Variants in DZIP3 observed in about 807,000 individuals in gnomAD.
The protein encoded by DZIP3 is DAZ interacting zinc finger protein 3.
DZIP3 carries 118 observed loss-of-function variants against 162.0 expected under a neutral mutation model. That is an observed-to-expected ratio of 0.73 (90% CI 0.63 to 0.85). DZIP3 has a LOEUF of 0.85. Among genes scored for constraint, DZIP3 ranks in the 40% least tolerant of loss-of-function variants. DZIP3 has a pLI of 0.00. For missense variants in DZIP3, 1,331 were observed against 1,407.0 expected, an observed-to-expected ratio of 0.95 and a Z score of 0.86; for synonymous variants, 438 against 458.6, an observed-to-expected ratio of 0.96 and a Z score of 0.57.
chr3:108,688,871 C>A lies in DZIP3; in HGVS notation c.3463C>A (p.Leu1155Met). 1 of 1,614,194 alleles carries A rather than the reference C, an allele frequency of 6.2e-7. No homozygotes were observed. Among genetic ancestry groups the A allele is most frequent in the South Asian group, 1.1e-5 (1 of 91,080 alleles). ...GCCTTGTGTGATCTGTCATGAGAAT[C>A]TGTCTCCAGAAAATCTTTCAGTTTT... ...EEPCVICHENLSPENLSVLPC... is the reference protein window; with the variant it reads ...EEPCVICHENMSPENLSVLPC... The change falls in exon 31 of 33, where the codon CTG becomes ATG. Residue 1155 changes from leucine to methionine, a missense_variant. Leu to Met is a conservative substitution (Grantham distance 15). Transcript: ENST00000361582.
At position 108,659,826 on chromosome 3, in the gene DZIP3, C is replaced by A. The variant is rs528806105; in HGVS notation, c.2200-2051C>A. Among the ~76,000 whole-genome samples, 1,288 of 152,260 alleles carry A rather than the reference C, an allele frequency of 8.5e-3. 15 individuals are homozygous for A. Among genetic ancestry groups the A allele is most frequent in the African/African-American group, 0.03 (1,233 of 41,538 alleles). On this transcript the variant is annotated intron_variant, in intron 19 of 32. Transcript: ENST00000361582. The stretch of plus-strand genomic sequence containing the variant: ...AAAATCAATGTGCAAAAATCACAAG[C>A]ATTCTTATACACCAATAACAGACAA...
At chr3:108,689,773 C>G (rs1944624776) in intron 31 of DZIP3, among the ~76,000 whole-genome samples, 1 of 152,194 alleles carries the variant, frequency 6.6e-6, no homozygotes, top group Non-Finnish European at 1.5e-5. Flanking sequence ...GTTACTGCCA[C>G]ACAGTTGCTA....
chr3:108,652,768 T>C (rs1942922573), intron 18 of DZIP3, among the ~76,000 whole-genome samples: 1 of 151,902 alleles, frequency 6.6e-6, no homozygotes, highest in Non-Finnish European at 1.5e-5. Context: ...TTACTGTAAT[T>C]TTTCTATGTT....
Position 108,654,215 on chromosome 3 carries a change from A to T in DZIP3, c.2104A>T (p.Ile702Leu). The change falls in exon 19 of 33, where the codon ATA becomes TTA. Residue 702 changes from isoleucine to leucine, a missense_variant. Ile to Leu is a conservative substitution (Grantham distance 5, BLOSUM62 2). Around this residue, in one of 2 missense-constraint regions of DZIP3, gnomAD observed 1,278 missense variants for 1,317.1 expected, o/e 0.97. Transcript: ENST00000361582. ...QANPHSVSRL[I>L]KDDASDVQED... Reference sequence around the variant, plus strand: ...AAATCCACACTCAGTCAGTAGACTTATAAAAGATGATGCAAGTGATGTTCA... The same window carrying T: ...AAATCCACACTCAGTCAGTAGACTTTTAAAAGATGATGCAAGTGATGTTCA... 1 of 1,613,858 alleles carries T rather than the reference A, an allele frequency of 6.2e-7. No homozygotes were observed. Among genetic ancestry groups the T allele is most frequent in the Non-Finnish European group, 8.5e-7 (1 of 1,179,784 alleles).
intron 21 of DZIP3, among the ~76,000 whole-genome samples, chr3:108,666,664 A>C (rs1454286418): frequency 6.6e-6 from 1 of 152,154 alleles, no homozygotes; most frequent in Non-Finnish European, 1.5e-5. Context: ...CCTCAACAAC[A>C]AATTTAAGAG....
intron 5 of DZIP3, among the ~76,000 whole-genome samples, chr3:108,621,417 G>A (rs1358180609): frequency 6.6e-6 from 1 of 152,092 alleles, no homozygotes. Context: ...ATCACCTCAA[G>A]CATTTATCCT....
At chr3:108,677,355 C>A in intron 25 of DZIP3, 142 bp from the exon 26 acceptor site, 3 of 427,238 alleles carry the variant, frequency 7.0e-6, no homozygotes, top group Non-Finnish European at 4.0e-6. Context: ...TTTTTTTGGT[C>A]AGAACCTGTT....
At chr3:108,653,507 GTATATA>G (rs57047978) in intron 18 of DZIP3, among the ~76,000 whole-genome samples, 24,670 of 104,356 alleles carry the variant, frequency 0.24, 2,796 homozygotes, top group East Asian at 0.47. Flanking sequence ...GTGTGTGTGT[GTATATA>G]TATATATATA....
Position 108,693,385 on chromosome 3 carries a change from C to T in DZIP3, c.*32C>T, listed in dbSNP as rs1233721769. 6.6e-6 allele frequency: 1 copy of T among 152,068 alleles called. No individual in the cohort carries two copies. The highest frequency in any genetic ancestry group is 1.9e-4 in the East Asian group (1 of 5,188). 9.4% of individuals were successfully genotyped at this position (152,068 alleles called of 1,614,324 possible). ...GTACCCATGAAGAGATTATGAACTACTTGAAGGTGGAGACTGTACGGTGGT... is the reference window on the plus strand; with the variant it reads ...GTACCCATGAAGAGATTATGAACTATTTGAAGGTGGAGACTGTACGGTGGT... On this transcript the variant is annotated 3_prime_UTR_variant, in exon 33 of 33. Coordinates refer to ENST00000361582, the MANE Select transcript of DZIP3 (RefSeq NM_014648.4).
intron 23 of DZIP3, among the ~76,000 whole-genome samples, chr3:108,673,186 T>C (rs1388077543): frequency 6.6e-6 from 1 of 151,938 alleles, no homozygotes; most frequent in Non-Finnish European, 1.5e-5. Context: ...AAACTTGATA[T>C]ACAGTAAGAT....
intron 8 of DZIP3, among the ~76,000 whole-genome samples, chr3:108,631,583 CTTT>C (rs10708434): frequency 1.6e-4 from 16 of 101,360 alleles, no homozygotes; most frequent in African/African-American, 5.9e-4. Flanking sequence ...TTATTATTCC[CTTT>C]TTTTTTTTTT....
At chr3:108,691,018 C>A in intron 32 of DZIP3, 115 bp downstream of exon 32, 2 of 794,944 alleles carry the variant, frequency 2.5e-6, no homozygotes, top group Non-Finnish European at 2.0e-6. Context: ...CTAATTTTAT[C>A]AAAGCAGCAG....
intron 5 of DZIP3, among the ~76,000 whole-genome samples, chr3:108,617,378 TTTTA>T (rs1240384325): frequency 9.9e-5 from 15 of 152,006 alleles, no homozygotes; most frequent in Admixed American, 6.6e-4. Context: ...TATATACAAT[TTTTA>T]TTTATCAATT....
intron 3 of DZIP3, 143 bp downstream of exon 3, chr3:108,608,301 G>A: frequency 1.6e-6 from 1 of 617,178 alleles, no homozygotes. Flanking sequence ...AAGTAAAATG[G>A]TCACAGTTAA....
chr3:108,608,398 T>G (rs961693728), intron 3 of DZIP3, among the ~76,000 whole-genome samples: 1 of 151,974 alleles, frequency 6.6e-6, no homozygotes. Context: ...TAAAAAAAAA[T>G]TGAATGGAAT....
intron 1 of DZIP3, among the ~76,000 whole-genome samples, chr3:108,596,597 T>C (rs2107437367): frequency 6.6e-6 from 1 of 152,314 alleles, no homozygotes; most frequent in Middle Eastern, 3.4e-3. Flanking sequence ...ATGAGCTGCC[T>C]CTTGACTTCT....
At chr3:108,594,733 T>C (rs1028626258) in intron 1 of DZIP3, among the ~76,000 whole-genome samples, 20 of 152,148 alleles carry the variant, frequency 1.3e-4, no homozygotes, top group Non-Finnish European at 2.2e-4. Context: ...GATAATGGCC[T>C]TCAGATCCAC....
In DZIP3 at chr3:108,686,768, C is replaced by A. The variant is rs568963900; in HGVS notation, c.3149+184C>A. The stretch of plus-strand genomic sequence containing the variant: ...GAAGAGACAGTGTTCAATGGTGAAC[C>A]TCTTCATTAAAAAGTTACTTGTCTT... On this transcript the variant is annotated intron_variant, in intron 28 of 32. Transcript: ENST00000361582. Among the ~76,000 whole-genome samples, 20 of 152,104 alleles carry A rather than the reference C, an allele frequency of 1.3e-4. No homozygotes were observed. The South Asian group carries it at 4.2e-3, about 32-fold the overall frequency.
intron 12 of DZIP3, 48 bp downstream of exon 12, chr3:108,637,596 T>G: frequency 5.3e-6 from 8 of 1,498,334 alleles, no homozygotes; most frequent in African/African-American, 1.4e-5. Context: ...AATATGCATA[T>G]ATTTTTTGGT....
Sources: allele counts gnomAD v4.1 joint callset (sites outside exome capture counted in the v4.1 genomes callset), GRCh38; gene constraint gnomAD v4.1.1; regional missense constraint gnomAD v4.1.1; transcripts MANE v1.5; gene names NCBI Gene and HGNC (gene_info 2026-07-23, HGNC 2026-07-21).